The following CDYL2 variants were observed in gnomAD, a reference collection of about 807,000 sequenced individuals.
The protein encoded by CDYL2 is chromodomain Y-like protein 2.
Under a neutral mutation model 49.4 loss-of-function variants are expected in CDYL2, and 23 were observed. That is an observed-to-expected ratio of 0.47 (90% CI 0.34 to 0.66). The LOEUF is 0.66. Ranked by LOEUF, CDYL2 falls within the 30% of genes least tolerant of loss-of-function variation. The pLI, the probability that CDYL2 is intolerant of heterozygous loss-of-function variation, is 0.01. For synonymous variants in CDYL2, 360 were observed against 268.8 expected (o/e 1.34, Z -3.32); for missense variants, 678 against 656.4 (o/e 1.03, Z -0.36).
intron 6 of CDYL2, 128 bp downstream of exon 6, chr16:80,607,964 G>T: frequency 9.0e-7 from 1 of 1,106,720 alleles, no homozygotes; most frequent in Non-Finnish European, 1.2e-6. Context: ...TTGTTAAATT[G>T]CAAAGGGTCT....
At chr16:80,728,329 C>G (rs1905229373) in intron 1 of CDYL2, among the ~76,000 whole-genome samples, 1 of 151,808 alleles carries the variant, frequency 6.6e-6, no homozygotes, top group Admixed American at 6.6e-5. Flanking sequence ...ATGCGATCAA[C>G]TGGAAGAAAG....
intron 4 of CDYL2, among the ~76,000 whole-genome samples, chr16:80,620,032 T>C (rs955289252): frequency 5.3e-5 from 8 of 152,194 alleles, no homozygotes; most frequent in Non-Finnish European, 1.0e-4. Flanking sequence ...TCCTGAATTG[T>C]GACTTGTCTG....
At chr16:80,709,895 A>C (rs574576122) in intron 1 of CDYL2, among the ~76,000 whole-genome samples, 4 of 149,228 alleles carry the variant, frequency 2.7e-5, no homozygotes, top group African/African-American at 9.8e-5. Context: ...CGTAAGCCCT[A>C]TTTTTTAATT....
intron 1 of CDYL2, among the ~76,000 whole-genome samples, chr16:80,723,012 A>G (rs777932226): frequency 1.4e-4 from 21 of 152,356 alleles, no homozygotes; most frequent in Admixed American, 5.9e-4. Flanking sequence ...CCATGGGGCC[A>G]TAACCCTTTT....
At chr16:80,767,281 T>A (rs1363880221) in intron 1 of CDYL2, among the ~76,000 whole-genome samples, 1 of 152,204 alleles carries the variant, frequency 6.6e-6, no homozygotes, top group Non-Finnish European at 1.5e-5. Flanking sequence ...ACAGAATTTT[T>A]CAAAGAAAAG....
chr16:80,647,927 G>A (rs116726061), intron 2 of CDYL2, among the ~76,000 whole-genome samples: 2,926 of 152,020 alleles, frequency 0.019, 94 homozygotes, highest in African/African-American at 0.066. Flanking sequence ...CTGAATGAAG[G>A]AATTAAGATG....
intron 2 of CDYL2, among the ~76,000 whole-genome samples, chr16:80,656,898 C>A (rs547838928): frequency 5.3e-5 from 8 of 152,248 alleles, no homozygotes; most frequent in Non-Finnish European, 4.4e-5. Flanking sequence ...AGGCTTAGAG[C>A]TGGAAGCCAG....
chr16:80,650,517 G>T (rs541420038), intron 2 of CDYL2, among the ~76,000 whole-genome samples: 2 of 152,192 alleles, frequency 1.3e-5, no homozygotes, highest in East Asian at 3.8e-4. Flanking sequence ...CACACTGTTG[G>T]TGGGAATGTA....
chr16:80,679,291 T>A (rs7499157), intron 2 of CDYL2, among the ~76,000 whole-genome samples: 1 of 150,790 alleles, frequency 6.6e-6, no homozygotes, highest in African/African-American at 2.4e-5. Flanking sequence ...AATAAATAAA[T>A]AAACAAACAA....
rs952464417 is a variant in CDYL2 at position 80,600,530 on chromosome 16, T to C, written c.*3858A>G. 2.0e-5 allele frequency: 3 copies of C among 151,942 alleles called. No homozygotes were observed. Among genetic ancestry groups the C allele is most frequent in the Non-Finnish European group, 4.4e-5 (3 of 67,950 alleles). 9.4% of individuals were successfully genotyped at this position (151,942 alleles called of 1,614,324 possible). The stretch of plus-strand genomic sequence containing the variant: ...GATGTTTAAAGATTATACAAAACCA[T>C]TTACAGAGAATAAAATAAAATACTT... On this transcript the variant is annotated 3_prime_UTR_variant, in exon 7 of 7. Transcript: ENST00000570137.
At chr16:80,648,571 T>G (rs1804203166) in intron 2 of CDYL2, among the ~76,000 whole-genome samples, 1 of 151,798 alleles carries the variant, frequency 6.6e-6, no homozygotes, top group Non-Finnish European at 1.5e-5. Flanking sequence ...TACCAAACAT[T>G]TGAAGAACTA....
At chr16:80,718,997 T>C (rs1308817906) in intron 1 of CDYL2, among the ~76,000 whole-genome samples, 1 of 152,162 alleles carries the variant, frequency 6.6e-6, no homozygotes, top group Non-Finnish European at 1.5e-5. Context: ...AACTAGGGCA[T>C]GAATACTGGG....
intron 2 of CDYL2, among the ~76,000 whole-genome samples, chr16:80,658,433 C>T (rs1908901797): frequency 6.6e-6 from 1 of 152,082 alleles, no homozygotes; most frequent in African/African-American, 2.4e-5. Flanking sequence ...GAATATACAA[C>T]AGATAAATCT....
chr16:80,628,594 C>T (rs1336254156), intron 3 of CDYL2, among the ~76,000 whole-genome samples: 1 of 152,204 alleles, frequency 6.6e-6, no homozygotes, highest in African/African-American at 2.4e-5. Flanking sequence ...GAGCCATGCC[C>T]AGATTCCTGA....
intron 6 of CDYL2, among the ~76,000 whole-genome samples, chr16:80,605,281 T>A (rs1906279511): frequency 6.7e-6 from 1 of 149,638 alleles, no homozygotes; most frequent in Non-Finnish European, 1.5e-5. Flanking sequence ...ATATACATTA[T>A]ATATACGTAT....
At chr16:80,765,876 C>CA (rs554710623) in intron 1 of CDYL2, among the ~76,000 whole-genome samples, 8,055 of 47,144 alleles carry the variant, frequency 0.17, 762 homozygotes, top group African/African-American at 0.2. Context: ...CCCTCATCTA[C>CA]AAAAAAAAAA....
intron 3 of CDYL2, among the ~76,000 whole-genome samples, chr16:80,627,040 T>G (rs1330102187): frequency 2.6e-5 from 4 of 152,206 alleles, no homozygotes; most frequent in Admixed American, 6.5e-5. Flanking sequence ...TTGGATGATT[T>G]TTTTTAATGG....
chr16:80,647,983 T>C (rs1908423607), intron 2 of CDYL2, among the ~76,000 whole-genome samples: 1 of 152,166 alleles, frequency 6.6e-6, no homozygotes, highest in East Asian at 1.9e-4. Context: ...AAACAAAATA[T>C]ACCAAAACCT....
intron 1 of CDYL2, among the ~76,000 whole-genome samples, chr16:80,741,582 G>T (rs1905737189): frequency 6.6e-6 from 1 of 151,990 alleles, no homozygotes; most frequent in South Asian, 2.1e-4. Flanking sequence ...AATGGAAAAG[G>T]TCACGAAAAA....
Sources: allele counts gnomAD v4.1 joint callset (sites outside exome capture counted in the v4.1 genomes callset), GRCh38; gene constraint gnomAD v4.1.1; transcripts MANE v1.5; gene names NCBI Gene and HGNC (gene_info 2026-07-23, HGNC 2026-07-21).